Variants in EIF2AK4 observed in about 807,000 individuals in gnomAD.
EIF2AK4 encodes eukaryotic translation initiation factor 2 alpha kinase 4, also known as eIF-2-alpha kinase GCN2.
Under a neutral mutation model 211.1 loss-of-function variants are expected in EIF2AK4, and 139 were observed. The observed-to-expected ratio is 0.66, with a 90% CI of 0.57 to 0.76. The LOEUF is 0.76. EIF2AK4 is among the 30% of genes least tolerant of loss of function. EIF2AK4 has a pLI of 0.00. For missense variants in EIF2AK4, 1,664 were observed against 2,043.8 expected, an observed-to-expected ratio of 0.81 and a Z score of 3.58; for synonymous variants, 710 against 751.3, an observed-to-expected ratio of 0.94 and a Z score of 0.90.
chr15:39,956,286 G>A (rs1302484476), intron 6 of EIF2AK4, among the ~76,000 whole-genome samples: 1 of 152,186 alleles, frequency 6.6e-6, no homozygotes, highest in Non-Finnish European at 1.5e-5. Flanking sequence ...TTACAGGCAT[G>A]AGCCACCACA....
intron 4 of EIF2AK4, among the ~76,000 whole-genome samples, chr15:39,950,979 T>C (rs2140903298): frequency 6.6e-6 from 1 of 152,258 alleles, no homozygotes; most frequent in South Asian, 2.1e-4. Context: ...TCCCCCCCAT[T>C]TATATTAAAA....
At chr15:40,005,965 A>G (rs2035156798) in intron 23 of EIF2AK4, among the ~76,000 whole-genome samples, 1 of 151,838 alleles carries the variant, frequency 6.6e-6, no homozygotes, top group Admixed American at 6.6e-5. Context: ...GATGGAAGAT[A>G]CTCAGAAAAA....
intron 30 of EIF2AK4, among the ~76,000 whole-genome samples, chr15:40,019,597 A>C (rs1364210466): frequency 6.6e-6 from 1 of 152,176 alleles, no homozygotes; most frequent in Non-Finnish European, 1.5e-5. Context: ...TGGACTGCAC[A>C]TGGAAGGGAT....
At chr15:39,976,881 C>G (rs753883109) in intron 12 of EIF2AK4, 37 bp downstream of exon 12, 22 of 1,431,068 alleles carry the variant, frequency 1.5e-5, no homozygotes, top group Non-Finnish European at 1.7e-5. Flanking sequence ...CTCTGATGCG[C>G]CCCCTAGTTT....
chr15:39,953,506 A>T (rs1189190009), intron 4 of EIF2AK4, among the ~76,000 whole-genome samples: 2 of 152,220 alleles, frequency 1.3e-5, no homozygotes, highest in African/African-American at 4.8e-5. Context: ...ACCTTCACCA[A>T]GCTGACCGGG....
rs137915360 is a variant in EIF2AK4 at position 39,982,415 on chromosome 15, T to C, written c.2320-3390T>C. Among the ~76,000 whole-genome samples the C allele has an allele frequency of 4.1e-3, 618 of 152,332 alleles. 3 individuals carry two copies. The highest frequency in any genetic ancestry group is 0.014 in the African/African-American group (598 of 41,576). ...ATTGACTTGACAAGGAGTTTTTCTG[T>C]TTAATACCTGCCTATTTTCTGTTTA... On this transcript the variant is annotated intron_variant, in intron 13 of 38. Coordinates refer to ENST00000263791, the MANE Select transcript of EIF2AK4 (RefSeq NM_001013703.4).
intron 13 of EIF2AK4, among the ~76,000 whole-genome samples, chr15:39,982,511 A>G (rs2034805146): frequency 6.6e-6 from 1 of 152,118 alleles, no homozygotes; most frequent in Admixed American, 6.5e-5. Flanking sequence ...CACATTTTCA[A>G]TAATTCTGTG....
At position 39,972,942 on chromosome 15, in the gene EIF2AK4, C is replaced by A; in HGVS notation, c.1588C>A (p.Pro530Thr). The stretch of plus-strand genomic sequence containing the variant: ...CTTGGATGACAAGGAAAGATGGAGT[C>A]CCCAGCAGTTGTTGAAACACAGCTT... ...VCLDDKERWSPQQLLKHSFIN... is the reference protein window; with the variant it reads ...VCLDDKERWSTQQLLKHSFIN... The change falls in exon 10 of 39, where the codon CCC becomes ACC. Residue 530 changes from proline (P) to threonine (T), a missense_variant. Pro to Thr is a conservative substitution (Grantham distance 38). Around this residue, in one of 7 missense-constraint regions of EIF2AK4, gnomAD observed 641 missense variants for 729.6 expected, o/e 0.88. Coordinates refer to ENST00000263791, the MANE Select transcript of EIF2AK4 (RefSeq NM_001013703.4). 1.2e-6 allele frequency: 2 copies of A among 1,613,928 alleles called. No homozygotes were observed. Among genetic ancestry groups the A allele is most frequent in the Non-Finnish European group, 1.7e-6 (2 of 1,179,970 alleles).
chr15:40,005,299 CT>C (rs1487759706), intron 23 of EIF2AK4, among the ~76,000 whole-genome samples: 2 of 151,974 alleles, frequency 1.3e-5, no homozygotes, highest in Non-Finnish European at 2.9e-5. Flanking sequence ...ACATTGTTAG[CT>C]TTTTTTAAAA....
chr15:40,012,697 A>C (rs1168905761), intron 27 of EIF2AK4, among the ~76,000 whole-genome samples: 1 of 152,034 alleles, frequency 6.6e-6, no homozygotes, highest in Non-Finnish European at 1.5e-5. Flanking sequence ...ATAAATATAC[A>C]TTCGGACGTA....
rs778939833 is a variant in EIF2AK4 at position 39,967,746 on chromosome 15, A to G, written c.1420A>G (p.Lys474Glu). The G allele has an allele frequency of 1.2e-6, 2 of 1,614,174 alleles. No individual in the cohort carries two copies. Among genetic ancestry groups the G allele is most frequent in the Non-Finnish European group, 1.7e-6 (2 of 1,180,036 alleles). Residue 474 changes from lysine to glutamate, a missense_variant, in exon 9 of 39, where the codon AAA becomes GAA. By Grantham distance (56) the Lys-to-Glu change is moderately conservative. This residue lies in a region of EIF2AK4 where 641 missense variants were observed against 729.6 expected (regional missense o/e 0.88). Coordinates refer to ENST00000263791, the MANE Select transcript of EIF2AK4 (RefSeq NM_001013703.4). ...VRFSDNALPY[K>E]TGKKGDVWRL... is the part of the protein sequence containing the mutation. ...TTTTAGTGACAATGCTCTGCCTTAT[A>G]AAACGGGGAAGAAAGGAGATGTTTG... is the stretch of plus-strand genomic sequence containing the variant.
chr15:39,947,283 A>AG (rs1297028756), intron 3 of EIF2AK4, among the ~76,000 whole-genome samples: 1 of 152,236 alleles, frequency 6.6e-6, no homozygotes, highest in Non-Finnish European at 1.5e-5. Flanking sequence ...AGCATGGCAT[A>AG]GGGATTCATC....
intron 24 of EIF2AK4, among the ~76,000 whole-genome samples, 162 bp downstream of exon 24, chr15:40,007,227 C>T (rs2035173752): frequency 6.6e-6 from 1 of 152,142 alleles, no homozygotes; most frequent in Non-Finnish European, 1.5e-5. Context: ...AGCCACAGTA[C>T]CCCTTCCTGT....
At chr15:40,029,501 T>C (rs2035510047) in intron 34 of EIF2AK4, 37 bp downstream of exon 34, 10 of 1,597,548 alleles carry the variant, frequency 6.3e-6, no homozygotes, top group Non-Finnish European at 8.5e-6. Flanking sequence ...ATAATGATGC[T>C]TATATGTTTG....
At chr15:39,956,467 A>G (rs1220649854) in intron 6 of EIF2AK4, among the ~76,000 whole-genome samples, 4 of 152,196 alleles carry the variant, frequency 2.6e-5, no homozygotes, top group Non-Finnish European at 5.9e-5. Flanking sequence ...CCACAGTTGT[A>G]AGGAGTGCCT....
intron 12 of EIF2AK4, 98 bp downstream of exon 12, chr15:39,976,942 T>TCTG: frequency 1.5e-6 from 2 of 1,344,800 alleles, no homozygotes; most frequent in Non-Finnish European, 1.9e-6. Context: ...CCTTCCTTCT[T>TCTG]TCCTTCTTTT....
intron 27 of EIF2AK4, among the ~76,000 whole-genome samples, chr15:40,015,303 C>T (rs571400942): frequency 5.7e-4 from 87 of 152,230 alleles, no homozygotes; most frequent in Admixed American, 1.2e-3. Context: ...CACGAAACTG[C>T]GTAATTTATA....
Position 39,978,076 on chromosome 15 carries a change from AG to A in EIF2AK4, c.2250del. ...TTTAGTATTTCTGTTTCCCTTTTTC[AG>A]GCCTGCTTCAGATTCTGAAAGTGAT... On this transcript the variant is annotated splice_acceptor_variant, in intron 12 of 38. Transcript: ENST00000263791. LOFTEE classifies it high-confidence loss of function. 1 of 1,595,012 alleles carries A rather than the reference AG, an allele frequency of 6.3e-7. No individual in the cohort carries two copies. Among genetic ancestry groups the A allele is most frequent in the Non-Finnish European group, 8.6e-7 (1 of 1,168,012 alleles).
intron 3 of EIF2AK4, among the ~76,000 whole-genome samples, chr15:39,945,478 AG>A (rs1381493770): frequency 6.6e-6 from 1 of 152,216 alleles, no homozygotes; most frequent in African/African-American, 2.4e-5. Context: ...GCAGAAGAAA[AG>A]TTAAAAGGTA....
Sources: gnomAD v4.1 joint callset for allele counts (sites outside exome capture counted in the v4.1 genomes callset) on GRCh38, gnomAD v4.1.1 for gene constraint, gnomAD v4.1.1 regional missense constraint, MANE v1.5 for transcripts, NCBI Gene and HGNC (gene_info 2026-07-23, HGNC 2026-07-21) for gene names.